The following BORCS5 variants were observed in gnomAD, a reference collection of about 807,000 sequenced individuals.
The protein encoded by BORCS5 is BLOC-1 related complex subunit 5.
Under a neutral mutation model 22.1 loss-of-function variants are expected in BORCS5, and 17 were observed. The ratio of observed to expected loss-of-function variants is 0.77; its 90% CI spans 0.53 to 1.15. The LOEUF (loss-of-function observed/expected upper bound fraction) is 1.15, where lower values mean the gene tolerates loss of function less well. BORCS5 is among the 50% of genes most tolerant of loss of function. The probability of loss-of-function intolerance (pLI) is 0.00; values close to 1 mark genes in which losing one functional copy is unlikely to be tolerated. For synonymous variants in BORCS5, 117 were observed against 99.8 expected (o/e 1.17, Z -1.03); for missense variants, 247 against 253.2 (o/e 0.98, Z 0.17).
At chr12:12,457,410 C>T (rs926288730) in intron 3 of BORCS5, among the ~76,000 whole-genome samples, 4 of 152,200 alleles carry the variant, frequency 2.6e-5, no homozygotes, top group African/African-American at 4.8e-5. Context: ...TGGCTCACGC[C>T]GGTAATCCCA....
intron 3 of BORCS5, among the ~76,000 whole-genome samples, chr12:12,465,082 C>T (rs1486032779): frequency 6.6e-6 from 1 of 152,118 alleles, no homozygotes; most frequent in Non-Finnish European, 1.5e-5. Context: ...AGCCATCCTC[C>T]CACCTCAGCC....
Position 12,422,903 on chromosome 12 carries a change from A to C in BORCS5, c.203-12725A>C, listed in dbSNP as rs534102505. On this transcript the variant is annotated intron_variant, in intron 2 of 3. Coordinates refer to ENST00000314565, the MANE Select transcript of BORCS5 (RefSeq NM_058169.6). ...AATGTATCAGTCTCTTAACGCAGAA[A>C]GCCAAAAGTGGAGCTACAAACCATG... Among the ~76,000 whole-genome samples the C allele has an allele frequency of 2.0e-3, 303 of 151,106 alleles. 3 individuals are homozygous for C. Among genetic ancestry groups the C allele is most frequent in the Non-Finnish European group, 3.5e-3 (234 of 67,142 alleles).
In BORCS5 at chr12:12,369,712, CTTTTTTTTTTTT is replaced by C. The variant is rs71061052; in HGVS notation, c.202+8382_202+8393del. ...GTGTGGTTTCATTCACCCCCCACTTCTTTTTTTTTTTTTTTTTTTTTTTTTTTTTTGAGAAAA... is the reference window on the plus strand; with the variant it reads ...GTGTGGTTTCATTCACCCCCCACTTCTTTTTTTTTTTTTTTTTTGAGAAAA... On this transcript the variant is annotated intron_variant, in intron 2 of 3. Transcript: ENST00000314565. 4.1e-3 allele frequency among the ~76,000 whole-genome samples: 176 copies of C among 42,962 alleles called. 2 individuals are homozygous for C. The South Asian group carries it at 0.055, about 13-fold the overall frequency. 28.2% of individuals were successfully genotyped at this position (42,962 alleles called of 152,430 possible).
chr12:12,436,328 T>C (rs1942554040), intron 3 of BORCS5, among the ~76,000 whole-genome samples: 1 of 152,362 alleles, frequency 6.6e-6, no homozygotes, highest in South Asian at 2.1e-4. Context: ...AGCAATGTAA[T>C]TCATGTGAAA....
intron 2 of BORCS5, among the ~76,000 whole-genome samples, chr12:12,393,676 T>A (rs148945924): frequency 1.7e-5 from 1 of 59,798 alleles, no homozygotes; most frequent in South Asian, 8.1e-4. Context: ...CACACCACCA[T>A]GCCTGCCTAA....
At chr12:12,421,246 G>A (rs1225082642) in intron 2 of BORCS5, among the ~76,000 whole-genome samples, 1 of 152,150 alleles carries the variant, frequency 6.6e-6, no homozygotes, top group South Asian at 2.1e-4. Context: ...TTTATTGAGA[G>A]TTTTTAGCAT....
intron 2 of BORCS5, among the ~76,000 whole-genome samples, chr12:12,365,143 A>C (rs1455931600): frequency 6.6e-6 from 1 of 152,128 alleles, no homozygotes; most frequent in Admixed American, 6.5e-5. Flanking sequence ...TATTAAGAAC[A>C]TTGAGAATAG....
At chr12:12,435,278 G>C (rs1346652480) in intron 2 of BORCS5, among the ~76,000 whole-genome samples, 2 of 152,248 alleles carry the variant, frequency 1.3e-5, no homozygotes, top group South Asian at 4.1e-4. Flanking sequence ...ATGTGATAAG[G>C]TCAGGAGCTC....
chr12:12,437,615 T>C (rs1489471355), intron 3 of BORCS5, among the ~76,000 whole-genome samples: 1 of 152,228 alleles, frequency 6.6e-6, no homozygotes, highest in Non-Finnish European at 1.5e-5. Flanking sequence ...TCACTTAAAG[T>C]TCTTAGGAGT....
At chr12:12,366,010 G>T (rs922197575) in intron 2 of BORCS5, among the ~76,000 whole-genome samples, 1 of 152,150 alleles carries the variant, frequency 6.6e-6, no homozygotes, top group African/African-American at 2.4e-5. Flanking sequence ...CTTTGACGTT[G>T]TTCTGCCTGA....
chr12:12,361,657 C>T (rs1172615408), intron 2 of BORCS5, among the ~76,000 whole-genome samples: 1 of 152,142 alleles, frequency 6.6e-6, no homozygotes, highest in East Asian at 1.9e-4. Context: ...TGTTGAATTC[C>T]CAGCACGTGA....
At chr12:12,417,157 T>C (rs1941987792) in intron 2 of BORCS5, among the ~76,000 whole-genome samples, 1 of 140,940 alleles carries the variant, frequency 7.1e-6, no homozygotes, top group Non-Finnish European at 1.5e-5. Flanking sequence ...TTTTGGTATA[T>C]TGTGTTTTTG....
chr12:12,466,849 G>A lies in BORCS5; in HGVS notation c.*1073G>A, dbSNP rs1208602325. On this transcript the variant is annotated 3_prime_UTR_variant, in exon 4 of 4. Coordinates refer to ENST00000314565, the MANE Select transcript of BORCS5 (RefSeq NM_058169.6). ...GCAAGCGTCGGGAGGTGTGTTTTCA[G>A]ATACCAGAAAGAGCCTTCAGTAGAT... 1 of 152,222 alleles carries A rather than the reference G, an allele frequency of 6.6e-6. No homozygotes were observed. Among genetic ancestry groups the A allele is most frequent in the East Asian group, 1.9e-4 (1 of 5,194 alleles). 9.4% of individuals were successfully genotyped at this position (152,222 alleles called of 1,614,324 possible).
intron 3 of BORCS5, among the ~76,000 whole-genome samples, chr12:12,443,486 G>A (rs1280181986): frequency 6.6e-6 from 1 of 152,206 alleles, no homozygotes; most frequent in Non-Finnish European, 1.5e-5. Context: ...GGAAATCCAG[G>A]TGGGGGAGTG....
intron 3 of BORCS5, among the ~76,000 whole-genome samples, chr12:12,452,946 G>A (rs1233535826): frequency 6.6e-6 from 1 of 152,162 alleles, no homozygotes; most frequent in East Asian, 1.9e-4. Flanking sequence ...TGGCAGGTGG[G>A]CTAGAACGTG....
intron 1 of BORCS5, 50 bp from the exon 2 acceptor site, chr12:12,361,156 G>A (rs764646989): frequency 6.4e-7 from 1 of 1,565,188 alleles, no homozygotes; most frequent in African/African-American, 1.4e-5. Context: ...GCTTTGGTGA[G>A]GCAGAGATGC....
intron 3 of BORCS5, among the ~76,000 whole-genome samples, chr12:12,438,375 A>G (rs1468815517): frequency 1.2e-5 from 1 of 82,246 alleles, no homozygotes; most frequent in African/African-American, 4.3e-5. Flanking sequence ...AAAAAAAAAA[A>G]AAAAACGAAA....
At chr12:12,438,385 A>AAACAC (rs1942610096) in intron 3 of BORCS5, among the ~76,000 whole-genome samples, 41 of 126,132 alleles carry the variant, frequency 3.3e-4, no homozygotes, top group African/African-American at 1.3e-3. Context: ...AAAAAACGAA[A>AAACAC]AACAACAACA....
intron 2 of BORCS5, among the ~76,000 whole-genome samples, chr12:12,405,181 A>T (rs1941568049): frequency 6.6e-6 from 1 of 152,224 alleles, no homozygotes; most frequent in Admixed American, 6.5e-5. Flanking sequence ...CCATAAAGGT[A>T]AAGATTTAGT....
Sources: gnomAD v4.1 joint callset for allele counts (sites outside exome capture counted in the v4.1 genomes callset) on GRCh38, gnomAD v4.1.1 for gene constraint, MANE v1.5 for transcripts, NCBI Gene and HGNC (gene_info 2026-07-23, HGNC 2026-07-21) for gene names.